The following EXOC5 variants were observed in gnomAD, a reference collection of about 807,000 sequenced individuals.
The protein encoded by EXOC5 is SEC10-like 1.
A neutral mutation model predicts 90.8 loss-of-function variants in EXOC5; 17 were observed. That is an observed-to-expected ratio of 0.19 (90% CI 0.13 to 0.28). The LOEUF is 0.28. Among genes scored for constraint, EXOC5 ranks in the 10% least tolerant of loss-of-function variants. The pLI, the probability that EXOC5 is intolerant of heterozygous loss-of-function variation, is 1.00. For synonymous variants in EXOC5, 260 were observed against 270.0 expected (o/e 0.96, Z 0.36); for missense variants, 569 against 830.6 (o/e 0.69, Z 3.87).
intron 1 of EXOC5, among the ~76,000 whole-genome samples, chr14:57,257,381 T>G (rs1884378720): frequency 6.6e-6 from 1 of 152,084 alleles, no homozygotes; most frequent in African/African-American, 2.4e-5. Flanking sequence ...AAAAACAAAT[T>G]TTTACTACAC....
intron 12 of EXOC5, among the ~76,000 whole-genome samples, chr14:57,226,597 TTATTATA>T (rs1883316169): frequency 6.6e-6 from 1 of 152,160 alleles, no homozygotes; most frequent in Non-Finnish European, 1.5e-5. Context: ...GATTCAAGAC[TTATTATA>T]AAGTTACAGC....
At chr14:57,262,613 A>G (rs1240329485) in intron 1 of EXOC5, among the ~76,000 whole-genome samples, 2 of 147,224 alleles carry the variant, frequency 1.4e-5, no homozygotes, top group Admixed American at 6.8e-5. Context: ...ATATATATAC[A>G]TATATGTATA....
At chr14:57,265,664 G>A (rs1032487628) in intron 1 of EXOC5, among the ~76,000 whole-genome samples, 1 of 152,206 alleles carries the variant, frequency 6.6e-6, no homozygotes, top group African/African-American at 2.4e-5. Flanking sequence ...GGTAGAGGCT[G>A]CAGCGAGCAG....
At chr14:57,249,857 C>T (rs1283979010) in intron 1 of EXOC5, among the ~76,000 whole-genome samples, 1 of 152,036 alleles carries the variant, frequency 6.6e-6, no homozygotes, top group African/African-American at 2.4e-5. Flanking sequence ...CCTCAACCTC[C>T]ACCTCCTGGG....
Position 57,259,872 on chromosome 14 carries a change from A to G in EXOC5, c.27+8750T>C, listed in dbSNP as rs1248205789. Among the ~76,000 whole-genome samples the G allele has an allele frequency of 2.0e-5, 3 of 152,214 alleles. No homozygotes were observed. The East Asian group carries it at 5.8e-4, about 29-fold the overall frequency. ...GCTTTCCAGCTGTAGTCAACAGAAC[A>G]ATGCCGAGCATACCAAAACACTAGC... is the stretch of plus-strand genomic sequence containing the variant. On this transcript the variant is annotated intron_variant, in intron 1 of 17. Coordinates refer to ENST00000621441, the MANE Select transcript of EXOC5 (RefSeq NM_006544.4).
At chr14:57,239,133 AATCTGTGTGT>A (rs1467241606) in intron 5 of EXOC5, among the ~76,000 whole-genome samples, 2 of 152,144 alleles carry the variant, frequency 1.3e-5, no homozygotes, top group Non-Finnish European at 2.9e-5. Flanking sequence ...TGTATACAAT[AATCTGTGTGT>A]ATCTTAATTT....
chr14:57,231,646 C>A lies in EXOC5; in HGVS notation c.1008G>T (p.Lys336Asn). Reference protein sequence around the residue: ...LGTDKQTFLSKLIKSIFISYL... With the variant: ...LGTDKQTFLSNLIKSIFISYL... Reference sequence around the variant, plus strand: ...AGGAAATGAAAATGGATTTGATAAGCTTAGACAAGAAAGTCTGTTTATCAG... The same window carrying A: ...AGGAAATGAAAATGGATTTGATAAGATTAGACAAGAAAGTCTGTTTATCAG... The change falls in exon 11 of 18, where the codon AAG becomes AAT. Residue 336 changes from lysine (K) to asparagine (N), a missense_variant. By Grantham distance (94) the Lys-to-Asn change is moderately conservative. Around this residue, in one of 9 missense-constraint regions of EXOC5, gnomAD observed 114 missense variants for 111.2 expected, o/e 1.03. Transcript: ENST00000621441. 6.2e-7 allele frequency: 1 copy of A among 1,613,306 alleles called. No individual in the cohort carries two copies.
intron 1 of EXOC5, chr14:57,268,388 C>G (rs1884757567): frequency 1.6e-6 from 2 of 1,216,256 alleles, no homozygotes; most frequent in Non-Finnish European, 2.2e-6. Context: ...CTTGGGACAC[C>G]CGGCTTCCCC....
intron 16 of EXOC5, 72 bp from the exon 17 acceptor site, chr14:57,209,854 C>G (rs1202127268): frequency 7.8e-7 from 1 of 1,283,130 alleles, no homozygotes; most frequent in Non-Finnish European, 1.1e-6. Context: ...TACAGTTTCT[C>G]ATTAATCTTT....
intron 13 of EXOC5, among the ~76,000 whole-genome samples, chr14:57,221,289 A>T (rs1283122547): frequency 6.6e-6 from 1 of 152,216 alleles, no homozygotes; most frequent in East Asian, 1.9e-4. Flanking sequence ...AGCAGTGAGA[A>T]GAAATGCAAT....
Position 57,233,740 on chromosome 14 carries a change from T to C in EXOC5, c.855+3A>G, listed in dbSNP as rs926557227. ...TATTTAATTTGTTACTATTTAAAAT[T>C]ACCTGTAGTTTGATTTCAAATACAT... On this transcript the variant is annotated splice_donor_region_variant and intron_variant, in intron 9 of 17. Coordinates refer to ENST00000621441, the MANE Select transcript of EXOC5 (RefSeq NM_006544.4). 4 of 1,522,774 alleles carry C rather than the reference T, an allele frequency of 2.6e-6. No individual in the cohort carries two copies. The African/African-American group carries it at 4.1e-5, about 16-fold the overall frequency. The allele number at this position is 1,522,774 out of a possible 1,614,324, so 94.3% of individuals were successfully genotyped here.
chr14:57,205,559 C>T lies in EXOC5; in HGVS notation c.*3050G>A, dbSNP rs1882627255. 1 of 281,314 alleles carries T rather than the reference C, an allele frequency of 3.6e-6. No individual in the cohort carries two copies. The highest frequency in any genetic ancestry group is 2.3e-5 in the African/African-American group (1 of 43,374). 17.4% of individuals were successfully genotyped at this position (281,314 alleles called of 1,614,324 possible). On this transcript the variant is annotated 3_prime_UTR_variant, in exon 18 of 18. Transcript: ENST00000621441. ...TTGACCACTTTAAGGGGTTTTGTGG[C>T]ATTTCAAAAATCAAAATCTCTTTAT... is the stretch of plus-strand genomic sequence containing the variant.
At chr14:57,244,403 A>T (rs746709139) in intron 3 of EXOC5, 44 bp from the exon 4 acceptor site, 4 of 1,386,088 alleles carry the variant, frequency 2.9e-6, no homozygotes, top group African/African-American at 2.9e-5. Context: ...CAGTGTGCTC[A>T]GTTTATAATC....
At chr14:57,227,037 A>G (rs1883328627) in intron 12 of EXOC5, among the ~76,000 whole-genome samples, 1 of 152,182 alleles carries the variant, frequency 6.6e-6, no homozygotes, top group East Asian at 1.9e-4. Context: ...AAGATAAGCC[A>G]CAGGCAGAAA....
At chr14:57,265,133 C>CTT (rs201754053) in intron 1 of EXOC5, among the ~76,000 whole-genome samples, 6 of 134,960 alleles carry the variant, frequency 4.4e-5, no homozygotes, top group East Asian at 2.1e-4. Context: ...TCACTGAACC[C>CTT]TTTTTTTTTT....
chr14:57,264,266 C>T (rs1192657651), intron 1 of EXOC5, among the ~76,000 whole-genome samples: 1 of 152,196 alleles, frequency 6.6e-6, no homozygotes, highest in Non-Finnish European at 1.5e-5. Context: ...GTGCTCCTTA[C>T]TTGTGTATCT....
Position 57,246,715 on chromosome 14 carries a change from T to C in EXOC5, c.266A>G (p.Asn89Ser). Residue 89 changes from asparagine (N) to serine (S), a missense_variant, in exon 3 of 18, where the codon AAT (asparagine) becomes AGT (serine). Asn to Ser is a conservative substitution (Grantham distance 46). Coordinates refer to ENST00000621441, the MANE Select transcript of EXOC5 (RefSeq NM_006544.4). ...ATTTCTTAACAAAACGTTTACCTGA[T>C]TGCTTTTCTGCAGCTCTTGTACCTT... ...AKKVQELQKSNQVAFQHFQEL... is the reference protein window; with the variant it reads ...AKKVQELQKSSQVAFQHFQEL... The C allele has an allele frequency of 1.2e-6, 2 of 1,609,894 alleles. No homozygotes were observed. The highest frequency in any genetic ancestry group is 1.7e-6 in the Non-Finnish European group (2 of 1,178,884).
chr14:57,217,874 G>T, intron 15 of EXOC5, 108 bp downstream of exon 15: 1 of 671,196 alleles, frequency 1.5e-6, no homozygotes, highest in African/African-American at 1.8e-5. Context: ...GTAGCAATAT[G>T]GTGGAATTAA....
chr14:57,243,521 T>G (rs1359243193), intron 4 of EXOC5: 1 of 152,240 alleles, frequency 6.6e-6, no homozygotes, highest in African/African-American at 2.4e-5. Context: ...GTCCATTTTC[T>G]TGCACATTTT....
Sources: gnomAD v4.1 joint callset for allele counts (sites outside exome capture counted in the v4.1 genomes callset) on GRCh38, gnomAD v4.1.1 for gene constraint, gnomAD v4.1.1 regional missense constraint, MANE v1.5 for transcripts, NCBI Gene and HGNC (gene_info 2026-07-23, HGNC 2026-07-21) for gene names.